Variants in NRG4 observed in about 807,000 individuals in gnomAD.
The protein encoded by NRG4 is pro-neuregulin-4, membrane-bound isoform.
NRG4 carries 10 observed loss-of-function variants against 15.0 expected under a neutral mutation model. The ratio of observed to expected loss-of-function variants is 0.67; its 90% CI spans 0.41 to 1.13. NRG4 has a LOEUF of 1.13. Ranked by LOEUF, NRG4 falls within the 50% of genes most tolerant of loss-of-function variation. NRG4 has a pLI of 0.00. For synonymous variants in NRG4, 41 were observed against 50.1 expected (o/e 0.82, Z 0.77); for missense variants, 139 against 140.2 (o/e 0.99, Z 0.04).
chr15:75,944,484 T>C (rs1191555687), intron 5 of NRG4, among the ~76,000 whole-genome samples: 2 of 152,158 alleles, frequency 1.3e-5, no homozygotes, highest in African/African-American at 2.4e-5. Context: ...ATTGGAAAGA[T>C]TGCCCGGGGA....
At chr15:76,012,032 G>C (rs2034828835) in intron 1 of NRG4, 1 of 151,952 alleles carries the variant, frequency 6.6e-6, no homozygotes. Flanking sequence ...ATGATTACAA[G>C]CTCCCAGTTC....
chr15:75,984,943 C>T (rs374382028), intron 3 of NRG4, among the ~76,000 whole-genome samples: 31 of 152,222 alleles, frequency 2.0e-4, no homozygotes, highest in African/African-American at 7.5e-4. Flanking sequence ...CTCCCAGGTT[C>T]AAGTGATTCT....
Position 75,943,710 on chromosome 15 carries a change from C to T in NRG4, c.332-56G>A, listed in dbSNP as rs578028205. ...TTCTCCATTGCAATGTTTCTTACTA[C>T]GCACACCTATCTACATGTCTCTTAT... On this transcript the variant is annotated intron_variant, in intron 5 of 5. Transcript: ENST00000394907. The T allele has an allele frequency of 8.4e-5, 92 of 1,098,726 alleles. 1 individual carries two copies. The highest frequency in any genetic ancestry group is 2.2e-4 in the South Asian group (17 of 77,912). The allele number at this position is 1,098,726 out of a possible 1,614,324, so 68.1% of individuals were successfully genotyped here. A position where few individuals can be genotyped will look rare whatever the true frequency, so the allele number is the denominator to read the frequency against.
chr15:75,961,411 T>C (rs973293064), intron 4 of NRG4, among the ~76,000 whole-genome samples: 4 of 152,188 alleles, frequency 2.6e-5, no homozygotes, highest in Non-Finnish European at 5.9e-5. Flanking sequence ...GTATTCTTTA[T>C]GCCTAGCACA....
At chr15:76,013,250 C>A (rs372080128), upstream of NRG4, among the ~76,000 whole-genome samples, 1 of 151,852 alleles carries the variant, frequency 6.6e-6, no homozygotes, top group African/African-American at 2.4e-5. Context: ...TGGTGTGAAC[C>A]CGGGAGGCGG....
chr15:75,945,422 T>C (rs983355559), intron 5 of NRG4, among the ~76,000 whole-genome samples: 2 of 152,134 alleles, frequency 1.3e-5, no homozygotes, highest in African/African-American at 4.8e-5. Flanking sequence ...GGTTCATTTT[T>C]GTATTTTTAG....
chr15:76,009,442 A>G (rs1489879134), intron 2 of NRG4, 149 bp from the exon 3 acceptor site: 1 of 540,320 alleles, frequency 1.9e-6, no homozygotes, highest in Non-Finnish European at 3.2e-6. Context: ...ATTTAATTCT[A>G]TTCCTTATTT....
chr15:75,950,246 T>A (rs1425328430), intron 5 of NRG4, among the ~76,000 whole-genome samples: 3 of 152,344 alleles, frequency 2.0e-5, no homozygotes, highest in African/African-American at 4.8e-5. Flanking sequence ...ATAATTTTTT[T>A]AAATTTCCAT....
chr15:76,001,895 T>A (rs2034429786), intron 3 of NRG4, among the ~76,000 whole-genome samples: 1 of 152,220 alleles, frequency 6.6e-6, no homozygotes, highest in African/African-American at 2.4e-5. Flanking sequence ...CCCAGCCAGA[T>A]TTTTGTCAGA....
At chr15:75,935,393 T>C (rs1186102388), downstream of NRG4, 1 of 152,122 alleles carries the variant, frequency 6.6e-6, no homozygotes, top group Admixed American at 6.5e-5. Flanking sequence ...GAGCTGACGA[T>C]CAGATCATAG....
At chr15:75,995,098 G>A (rs2141879662) in intron 3 of NRG4, among the ~76,000 whole-genome samples, 1 of 152,092 alleles carries the variant, frequency 6.6e-6, no homozygotes, top group South Asian at 2.1e-4. Context: ...TGAGGTGGGA[G>A]GATTGCTTGA....
chr15:76,021,548 A>C (rs1290936813), intron 5 of NRG4, among the ~76,000 whole-genome samples: 1 of 152,218 alleles, frequency 6.6e-6, no homozygotes, highest in Non-Finnish European at 1.5e-5. Context: ...CACACACACT[A>C]AACCATTTTA....
rs1315947346 is a variant in NRG4, at chr15:75,943,527, GC to G, written c.*110del. 3 of 707,094 alleles carry G rather than the reference GC, an allele frequency of 4.2e-6. No individual in the cohort carries two copies. Among genetic ancestry groups the G allele is most frequent in the African/African-American group, 3.6e-5 (2 of 55,762 alleles). 43.8% of individuals were successfully genotyped at this position (707,094 alleles called of 1,614,324 possible). On this transcript the variant is annotated 3_prime_UTR_variant, in exon 6 of 6. Transcript: ENST00000394907. ...ATGGTTCATGATACGAGTTACACAA[GC>G]GTTTTATTTAAGAAATAAAGGATTA...
chr15:76,055,046 G>A (rs2036121135), intron 2 of NRG4, among the ~76,000 whole-genome samples: 1 of 152,108 alleles, frequency 6.6e-6, no homozygotes, highest in African/African-American at 2.4e-5. Flanking sequence ...TTGGGAGGCT[G>A]AGGTGGGTAG....
At chr15:76,017,075 T>C (rs2034999706), upstream of NRG4, among the ~76,000 whole-genome samples, 1 of 152,050 alleles carries the variant, frequency 6.6e-6, no homozygotes, top group Non-Finnish European at 1.5e-5. Context: ...TTTACCATTA[T>C]GTAATGCCCT....
In NRG4 at chr15:76,050,866, T is replaced by C. The variant is rs913774918; in HGVS notation, c.-105+1201A>G. 5.3e-5 allele frequency among the ~76,000 whole-genome samples: 8 copies of C among 149,684 alleles called. 1 individual carries two copies. The highest frequency in any genetic ancestry group is 2.0e-4 in the African/African-American group (8 of 39,904). ...TGTCACCCAGACTGTGGCGCAATGG[T>C]TTGATCATAGCCCACTGCAGCCTCG... On this transcript the variant is annotated intron_variant, in intron 4 of 8. Coordinates refer to the NRG4 transcript ENST00000563910.
chr15:76,050,219 AT>A (rs1831387116), intron 4 of NRG4, among the ~76,000 whole-genome samples: 1 of 150,956 alleles, frequency 6.6e-6, no homozygotes, highest in African/African-American at 2.5e-5. Flanking sequence ...TTCTCAGCAG[AT>A]GTTCACTACT....
At chr15:76,013,646 T>C (rs553120378), upstream of NRG4, among the ~76,000 whole-genome samples, 5 of 152,310 alleles carry the variant, frequency 3.3e-5, no homozygotes, top group African/African-American at 1.2e-4. Context: ...TCCAGCTTCA[T>C]CCATGGCCCT....
intron 3 of NRG4, among the ~76,000 whole-genome samples, chr15:75,993,687 G>T (rs951587490): frequency 1.3e-5 from 2 of 148,822 alleles, no homozygotes; most frequent in African/African-American, 5.0e-5. Flanking sequence ...GACAGAGTGA[G>T]ACTCACTCTC....
Sources: allele counts gnomAD v4.1 joint callset (sites outside exome capture counted in the v4.1 genomes callset), GRCh38; gene constraint gnomAD v4.1.1; transcripts MANE v1.5; gene names NCBI Gene and HGNC (gene_info 2026-07-23, HGNC 2026-07-21).